Variants in UBE2O observed in about 807,000 individuals in gnomAD.
The protein encoded by UBE2O is (E3-independent) E2 ubiquitin-conjugating enzyme.
In UBE2O, 15 loss-of-function variants were observed where a neutral mutation model predicts 125.8. That is an observed-to-expected ratio of 0.12 (90% CI 0.08 to 0.18). The LOEUF (loss-of-function observed/expected upper bound fraction) is 0.18. Among genes scored for constraint, UBE2O ranks in the 10% least tolerant of loss-of-function variants. The pLI is 1.00. For missense variants in UBE2O, 1,280 were observed against 1,723.6 expected, an observed-to-expected ratio of 0.74 and a Z score of 4.56; for synonymous variants, 708 against 703.2, an observed-to-expected ratio of 1.01 and a Z score of -0.11.
At chr17:76,421,825 C>A (rs2072717461) in intron 1 of UBE2O, among the ~76,000 whole-genome samples, 1 of 152,194 alleles carries the variant, frequency 6.6e-6, no homozygotes, top group East Asian at 1.9e-4. Context: ...CCCATCCTGG[C>A]TGGCTCTATT....
intron 1 of UBE2O, chr17:76,430,971 C>T: frequency 1.0e-5 from 3 of 295,552 alleles, no homozygotes; most frequent in Non-Finnish European, 1.3e-5. Flanking sequence ...TGCTTCACTT[C>T]TTCGTGCATA....
chr17:76,434,774 CTT>C (rs751998179), intron 1 of UBE2O, among the ~76,000 whole-genome samples: 108 of 139,054 alleles, frequency 7.8e-4, no homozygotes, highest in Middle Eastern at 7.4e-3. Context: ...TTCACTTAAG[CTT>C]TTTTTTTTTT....
At chr17:76,448,968 T>C (rs1450456734) in intron 1 of UBE2O, among the ~76,000 whole-genome samples, 1 of 152,236 alleles carries the variant, frequency 6.6e-6, no homozygotes, top group East Asian at 1.9e-4. Context: ...GGAAGAAGCA[T>C]ATAAGAGACA....
intron 1 of UBE2O, among the ~76,000 whole-genome samples, chr17:76,443,301 T>C (rs988705856): frequency 6.6e-6 from 1 of 152,132 alleles, no homozygotes; most frequent in African/African-American, 2.4e-5. Flanking sequence ...ATATATTTTT[T>C]TCCTCGAGAA....
intron 1 of UBE2O, among the ~76,000 whole-genome samples, chr17:76,441,542 G>A (rs972992467): frequency 2.0e-5 from 3 of 152,114 alleles, no homozygotes; most frequent in South Asian, 2.1e-4. Context: ...AACCAAAGAC[G>A]TACTAAAACT....
chr17:76,419,545 C>G (rs2072673275), intron 1 of UBE2O, among the ~76,000 whole-genome samples: 1 of 152,124 alleles, frequency 6.6e-6, no homozygotes, highest in Non-Finnish European at 1.5e-5. Flanking sequence ...TTCCTGTGGT[C>G]CAGCCCTTGG....
intron 1 of UBE2O, among the ~76,000 whole-genome samples, chr17:76,415,868 TGTATATACAAATATATGTACATACAC>T (rs1353827179): frequency 9.2e-5 from 14 of 151,742 alleles, no homozygotes; most frequent in African/African-American, 3.2e-4. Context: ...TATACATACA[TGTATATACAAATATATGTACATACAC>T]GTATATACAA....
At chr17:76,431,329 T>C (rs2072903387) in intron 1 of UBE2O, among the ~76,000 whole-genome samples, 1 of 150,618 alleles carries the variant, frequency 6.6e-6, no homozygotes, top group Admixed American at 6.6e-5. Context: ...CTGGCCAACA[T>C]GGTGAAATCC....
Position 76,395,618 on chromosome 17 carries a change from G to T in UBE2O, c.2946+107C>A. On this transcript the variant is annotated intron_variant, in intron 15 of 17. Transcript: ENST00000319380. This position sits in a 1 kb window ranked among gnomAD's most constrained non-coding sequence, Gnocchi z 5.0. ...AAAAGGTGGGTGGGTGAGTGTCCTCGCAGGTGCCAGTCAGCCCCGGAGGTT... is the reference window on the plus strand; with the variant it reads ...AAAAGGTGGGTGGGTGAGTGTCCTCTCAGGTGCCAGTCAGCCCCGGAGGTT... The T allele has an allele frequency of 7.2e-7, 1 of 1,395,928 alleles. No individual in the cohort carries two copies. The highest frequency in any genetic ancestry group is 9.7e-7 in the Non-Finnish European group (1 of 1,032,850). The allele number at this position is 1,395,928 out of a possible 1,614,324, so 86.5% of individuals were successfully genotyped here.
chr17:76,434,744 C>T (rs1017942240), intron 1 of UBE2O, among the ~76,000 whole-genome samples: 12 of 147,256 alleles, frequency 8.1e-5, no homozygotes, highest in African/African-American at 2.5e-4. Flanking sequence ...AAGGCACCTG[C>T]GATGTTCTGG....
chr17:76,432,638 C>G (rs1259095160), intron 1 of UBE2O, among the ~76,000 whole-genome samples: 1 of 152,126 alleles, frequency 6.6e-6, no homozygotes, highest in East Asian at 1.9e-4. Context: ...ATGGCTAGCA[C>G]AGATCCCAAT....
chr17:76,409,888 T>G lies in UBE2O; in HGVS notation c.418-4316A>C, dbSNP rs1792715156. 2.0e-5 allele frequency among the ~76,000 whole-genome samples: 3 copies of G among 152,018 alleles called. 1 individual carries two copies. In the South Asian group the frequency reaches 6.2e-4, roughly 32 times the overall value. On this transcript the variant is annotated intron_variant, in intron 1 of 17. Transcript: ENST00000319380. ...TGCAGACAGACAGACGCAGAGAAGGTGGTACCAAGTGCCATGAAGAAAAAC... is the reference window on the plus strand; with the variant it reads ...TGCAGACAGACAGACGCAGAGAAGGGGGTACCAAGTGCCATGAAGAAAAAC...
At chr17:76,435,491 A>G (rs2072981358) in intron 1 of UBE2O, among the ~76,000 whole-genome samples, 1 of 151,794 alleles carries the variant, frequency 6.6e-6, no homozygotes, top group African/African-American at 2.4e-5. Flanking sequence ...TGGCCTTACG[A>G]GGCAGACAAG....
chr17:76,406,453 C>T lies in UBE2O; in HGVS notation c.418-881G>A, dbSNP rs533104734. ...TCCTCAAATAGCCAACCAGACACTC[C>T]TCCGTGGTGGCCTCTCTTGACCTGG... On this transcript the variant is annotated intron_variant, in intron 1 of 17. Coordinates refer to ENST00000319380, the MANE Select transcript of UBE2O (RefSeq NM_022066.4). Among the ~76,000 whole-genome samples the T allele has an allele frequency of 6.4e-4, 98 of 152,134 alleles. 1 individual carries two copies. The highest frequency in any genetic ancestry group is 2.6e-3 in the Admixed American group (39 of 15,282).
intron 1 of UBE2O, among the ~76,000 whole-genome samples, chr17:76,433,561 A>G (rs1239190280): frequency 1.3e-5 from 2 of 151,586 alleles, no homozygotes; most frequent in East Asian, 3.9e-4. Flanking sequence ...TGAACTGCAC[A>G]CTTTAAAAGG....
At chr17:76,406,449 A>T (rs1161543574) in intron 1 of UBE2O, among the ~76,000 whole-genome samples, 1 of 150,708 alleles carries the variant, frequency 6.6e-6, no homozygotes, top group Non-Finnish European at 1.5e-5. Flanking sequence ...CCAACCAGAC[A>T]CTCCTCCGTG....
At position 76,400,651 on chromosome 17, in the gene UBE2O, A is replaced by AC. The variant is rs1165671175; in HGVS notation, c.895-102_895-101insG. On this transcript the variant is annotated intron_variant, in intron 6 of 17. Coordinates refer to ENST00000319380, the MANE Select transcript of UBE2O (RefSeq NM_022066.4). This position sits in a 1 kb window ranked among gnomAD's most constrained non-coding sequence, Gnocchi z 4.3. ...ACTTGACCTCCAGAGCAGGAAACTG[A>AC]TCTTCCTAGTGCAGCACCAAGTACA... The AC allele has an allele frequency of 3.5e-5, 27 of 772,192 alleles. No individual in the cohort carries two copies. The highest frequency in any genetic ancestry group is 5.7e-5 in the Non-Finnish European group (27 of 477,224). The allele number at this position is 772,192 out of a possible 1,614,324, so 47.8% of individuals were successfully genotyped here.
Position 76,398,230 on chromosome 17 carries a change from C to A in UBE2O, c.2025+25G>T, listed in dbSNP as rs987342239. On this transcript the variant is annotated intron_variant, in intron 12 of 17. Transcript: ENST00000319380. The surrounding 1 kb of genome is among the most constrained non-coding windows in gnomAD (Gnocchi z 5.4). ...GGTGCACAGGGCAGTGAGCAGCCAT[C>A]CAGAACTTGAATTTGAAGGCGTACC... The A allele has an allele frequency of 2.5e-6, 4 of 1,613,948 alleles. No individual in the cohort carries two copies. The highest frequency in any genetic ancestry group is 3.4e-6 in the Non-Finnish European group (4 of 1,179,938).
chr17:76,419,283 CAA>C (rs35062714), intron 1 of UBE2O, among the ~76,000 whole-genome samples: 8,776 of 62,864 alleles, frequency 0.14, 237 homozygotes, highest in Middle Eastern at 0.22. Flanking sequence ...GACCCTATCT[CAA>C]AAAAAAAAAA....
Sources: allele counts gnomAD v4.1 joint callset (sites outside exome capture counted in the v4.1 genomes callset), GRCh38; gene constraint gnomAD v4.1.1; non-coding constraint Gnocchi (gnomAD v3.1); transcripts MANE v1.5; gene names NCBI Gene and HGNC (gene_info 2026-07-23, HGNC 2026-07-21).